The following DNER variants were observed in gnomAD, a reference collection of about 807,000 sequenced individuals.
DNER encodes the protein delta/notch like EGF repeat containing.
DNER carries 33 observed loss-of-function variants against 78.2 expected under a neutral mutation model. The ratio of observed to expected loss-of-function variants is 0.42; its 90% CI spans 0.32 to 0.56. The LOEUF (loss-of-function observed/expected upper bound fraction) is 0.56. Among genes scored for constraint, DNER ranks in the 20% least tolerant of loss-of-function variants. The pLI is 0.11. For synonymous variants in DNER, 417 were observed against 384.8 expected (o/e 1.08, Z -0.98); for missense variants, 918 against 975.3 (o/e 0.94, Z 0.78).
At chr2:229,477,047 T>A in intron 7 of DNER, 93 bp downstream of exon 7, 1 of 973,936 alleles carries the variant, frequency 1.0e-6, no homozygotes, top group Non-Finnish European at 1.5e-6. Context: ...TTCTCTTGTG[T>A]AGAGTTTTGC....
chr2:229,416,948 A>G (rs769522831), intron 9 of DNER, among the ~76,000 whole-genome samples: 9 of 152,200 alleles, frequency 5.9e-5, no homozygotes, highest in Non-Finnish European at 1.2e-4. Flanking sequence ...AGCAAGGGGA[A>G]AGAAGGAGGT....
At chr2:229,375,365 T>C (rs1291954126) in intron 11 of DNER, among the ~76,000 whole-genome samples, 1 of 152,200 alleles carries the variant, frequency 6.6e-6, no homozygotes, top group African/African-American at 2.4e-5. Context: ...CAGGGATAAA[T>C]ACCTGAGTTA....
At chr2:229,684,932 G>A (rs1422906091) in intron 1 of DNER, among the ~76,000 whole-genome samples, 5 of 152,250 alleles carry the variant, frequency 3.3e-5, no homozygotes, top group Admixed American at 1.3e-4. Flanking sequence ...AGATAATTTC[G>A]ATGAAAGCTA....
At chr2:229,498,756 T>G (rs1695550617) in intron 6 of DNER, among the ~76,000 whole-genome samples, 1 of 152,112 alleles carries the variant, frequency 6.6e-6, no homozygotes, top group South Asian at 2.1e-4. Flanking sequence ...ACAAAAAAAT[T>G]GAAGAAGACA....
At chr2:229,490,338 C>A (rs1199302518) in intron 6 of DNER, among the ~76,000 whole-genome samples, 1 of 152,160 alleles carries the variant, frequency 6.6e-6, no homozygotes, top group Non-Finnish European at 1.5e-5. Flanking sequence ...CTCCAAGTGT[C>A]TGTCAGCGCA....
At chr2:229,666,576 G>T (rs77169594) in intron 1 of DNER, among the ~76,000 whole-genome samples, 12 of 152,204 alleles carry the variant, frequency 7.9e-5, no homozygotes, top group Admixed American at 5.9e-4. Flanking sequence ...GAATTCATCC[G>T]TAGAGATTCA....
chr2:229,685,210 C>A (rs532967913), intron 1 of DNER, among the ~76,000 whole-genome samples: 1 of 147,148 alleles, frequency 6.8e-6, no homozygotes, highest in Admixed American at 6.9e-5. Context: ...ATGCTGTTTG[C>A]AATTCAACAG....
chr2:229,706,880 T>C (rs982736334), intron 1 of DNER, among the ~76,000 whole-genome samples: 2 of 152,142 alleles, frequency 1.3e-5, no homozygotes, highest in Non-Finnish European at 2.9e-5. Flanking sequence ...CCGGCCCAGA[T>C]ATTAGTTTGG....
intron 5 of DNER, among the ~76,000 whole-genome samples, chr2:229,528,284 A>T (rs1696242378): frequency 6.6e-6 from 1 of 152,188 alleles, no homozygotes; most frequent in South Asian, 2.1e-4. Flanking sequence ...TGAGAAGGTG[A>T]CTGTTGACGG....
At chr2:229,710,976 TACACGCGCAC>T (rs923896502) in intron 1 of DNER, among the ~76,000 whole-genome samples, 2 of 90,296 alleles carry the variant, frequency 2.2e-5, no homozygotes, top group African/African-American at 1.0e-4. Flanking sequence ...ATGGCATGCA[TACACGCGCAC>T]ACACACACAC....
chr2:229,708,607 G>A (rs1213896298), intron 1 of DNER, among the ~76,000 whole-genome samples: 1 of 152,164 alleles, frequency 6.6e-6, no homozygotes, highest in Non-Finnish European at 1.5e-5. Flanking sequence ...ATACAACCCT[G>A]GCATTCAGCT....
intron 1 of DNER, among the ~76,000 whole-genome samples, chr2:229,652,477 T>C (rs2154216308): frequency 6.6e-6 from 1 of 152,276 alleles, no homozygotes; most frequent in African/African-American, 2.4e-5. Context: ...CACATCAAAA[T>C]ACATAAGCAA....
intron 11 of DNER, among the ~76,000 whole-genome samples, chr2:229,370,859 T>C (rs1404772782): frequency 6.6e-6 from 1 of 152,194 alleles, no homozygotes; most frequent in African/African-American, 2.4e-5. Context: ...ATAAGCTTCA[T>C]AGCATTAACC....
At chr2:229,451,093 A>C (rs1331029609) in intron 7 of DNER, among the ~76,000 whole-genome samples, 1 of 152,222 alleles carries the variant, frequency 6.6e-6, no homozygotes, top group Non-Finnish European at 1.5e-5. Context: ...TTCTGAAAAA[A>C]ATACATATCA....
At chr2:229,711,931 T>C (rs571179417) in intron 1 of DNER, among the ~76,000 whole-genome samples, 1 of 152,148 alleles carries the variant, frequency 6.6e-6, no homozygotes, top group South Asian at 2.1e-4. Flanking sequence ...AAAATGAGTC[T>C]CAAGTCTTAC....
At chr2:229,614,107 A>G (rs1032108274) in intron 1 of DNER, among the ~76,000 whole-genome samples, 6 of 151,988 alleles carry the variant, frequency 3.9e-5, no homozygotes, top group Non-Finnish European at 5.9e-5. Context: ...CAGCACACCA[A>G]CATGGCACAT....
intron 12 of DNER, 82 bp downstream of exon 12, chr2:229,366,791 G>C (rs74488906): frequency 0.064 from 99,570 of 1,565,578 alleles, 3,527 homozygotes; most frequent in Middle Eastern, 0.095. Context: ...TTTGCAAATG[G>C]AAAGTCCTGT....
intron 4 of DNER, among the ~76,000 whole-genome samples, chr2:229,573,416 T>C (rs1290759919): frequency 6.6e-6 from 1 of 152,226 alleles, no homozygotes; most frequent in Non-Finnish European, 1.5e-5. Context: ...TGTTCGACTC[T>C]GGTCCATTTT....
At chr2:229,629,758 CAGTG>C (rs1425826019) in intron 1 of DNER, among the ~76,000 whole-genome samples, 5 of 152,186 alleles carry the variant, frequency 3.3e-5, no homozygotes, top group African/African-American at 1.2e-4. Flanking sequence ...CCCAGAAATG[CAGTG>C]AGGTGGCATT....
Sources: gnomAD v4.1 joint callset for allele counts (sites outside exome capture counted in the v4.1 genomes callset) on GRCh38, gnomAD v4.1.1 for gene constraint, MANE v1.5 for transcripts, NCBI Gene and HGNC (gene_info 2026-07-23, HGNC 2026-07-21) for gene names.